The following R3HDM1 variants were observed in gnomAD, a reference collection of about 807,000 sequenced individuals.
R3HDM1 encodes the protein R3H domain containing 1.
In R3HDM1, 46 loss-of-function variants were observed where a neutral mutation model predicts 141.1. That is an observed-to-expected ratio of 0.33 (90% CI 0.26 to 0.42). R3HDM1 has a LOEUF of 0.42. Ranked by LOEUF, R3HDM1 falls within the 10% of genes least tolerant of loss-of-function variation. The pLI, the probability that R3HDM1 is intolerant of heterozygous loss-of-function variation, is 1.00. For synonymous variants in R3HDM1, 435 were observed against 472.9 expected, an observed-to-expected ratio of 0.92 and a Z score of 1.04; for missense variants, 1,184 against 1,368.3, an observed-to-expected ratio of 0.87 and a Z score of 2.12.
At chr2:135,593,664 C>T (rs190588132) in intron 1 of R3HDM1, among the ~76,000 whole-genome samples, 2 of 152,092 alleles carry the variant, frequency 1.3e-5, no homozygotes, top group Admixed American at 6.5e-5. Flanking sequence ...CTTAGTGTTC[C>T]CAACATGTTT....
chr2:135,717,173 A>T (rs2076249075), intron 24 of R3HDM1, among the ~76,000 whole-genome samples: 1 of 152,088 alleles, frequency 6.6e-6, no homozygotes, highest in African/African-American at 2.4e-5. Context: ...GACGGACAAC[A>T]CCAAATGTTA....
At chr2:135,683,357 C>A (rs912580602) in intron 21 of R3HDM1, among the ~76,000 whole-genome samples, 5 of 152,004 alleles carry the variant, frequency 3.3e-5, no homozygotes, top group Non-Finnish European at 7.4e-5. Flanking sequence ...AGTTTGAGAC[C>A]AGCCTAGCCA....
chr2:135,565,362 A>ATTT (rs1030175255), intron 1 of R3HDM1, among the ~76,000 whole-genome samples: 19 of 140,890 alleles, frequency 1.3e-4, no homozygotes, highest in African/African-American at 2.5e-4. Context: ...TATTATTATT[A>ATTT]TTTTTAAATT....
intron 1 of R3HDM1, among the ~76,000 whole-genome samples, chr2:135,580,036 A>G (rs1255174719): frequency 6.6e-6 from 1 of 152,066 alleles, no homozygotes; most frequent in Non-Finnish European, 1.5e-5. Flanking sequence ...AGACAGGCGG[A>G]TCACTTGAGC....
chr2:135,602,410 C>A, intron 1 of R3HDM1, 90 bp from the exon 2 acceptor site: 1 of 865,962 alleles, frequency 1.2e-6, no homozygotes, highest in African/African-American at 1.8e-5. Flanking sequence ...AAACAACTGA[C>A]AGTAATATTT....
At position 135,560,851 on chromosome 2, in the gene R3HDM1, G is replaced by C. The variant is rs554769887; in HGVS notation, c.-250+29218G>C. ...GTGGAGGCTGTATGTTAAGATGGCA[G>C]AGCCACTTACAGAAAGAAGCCAGGA... On this transcript the variant is annotated intron_variant, in intron 1 of 26. Transcript: ENST00000683871. Among the ~76,000 whole-genome samples the C allele has an allele frequency of 9.9e-5, 15 of 152,256 alleles. No homozygotes were observed. In the South Asian group the frequency reaches 3.1e-3, roughly 32 times the overall value.
chr2:135,636,248 TCTCC>T, intron 11 of R3HDM1, 65 bp downstream of exon 11: 5 of 1,537,722 alleles, frequency 3.3e-6, no homozygotes, highest in Non-Finnish European at 4.4e-6. Flanking sequence ...AGGGTCTCAG[TCTCC>T]CTTTTATCTA....
intron 19 of R3HDM1, among the ~76,000 whole-genome samples, chr2:135,664,796 T>A (rs1169743415): frequency 2.0e-5 from 3 of 152,220 alleles, no homozygotes; most frequent in Admixed American, 6.5e-5. Flanking sequence ...GAAGAAACCC[T>A]GGCTACACAC....
chr2:135,625,340 G>A (rs2061903446), intron 7 of R3HDM1, among the ~76,000 whole-genome samples: 1 of 152,108 alleles, frequency 6.6e-6, no homozygotes, highest in Non-Finnish European at 1.5e-5. Context: ...AGCTACTTGG[G>A]AGGCTGAAGC....
At chr2:135,680,735 A>T (rs1404867027) in intron 21 of R3HDM1, among the ~76,000 whole-genome samples, 1 of 152,160 alleles carries the variant, frequency 6.6e-6, no homozygotes, top group Non-Finnish European at 1.5e-5. Context: ...GCGCCGTTGC[A>T]CTCCAGCCTG....
At chr2:135,722,737 A>T (rs937333156) in intron 26 of R3HDM1, among the ~76,000 whole-genome samples, 184 bp downstream of exon 26, 1 of 152,128 alleles carries the variant, frequency 6.6e-6, no homozygotes, top group African/African-American at 2.4e-5. Flanking sequence ...ATGTGAGAGT[A>T]TATATGGTAA....
Position 135,635,968 on chromosome 2 carries a change from T to G in R3HDM1, c.777T>G (p.Asp259Glu), listed in dbSNP as rs1255005117. ...DFQKRYILKR[D>E]NSSFDKDDNQ... ...AGAAACGTTATATCCTCAAGAGAGA[T>G]AACTCTAGCTTTGACAAAGATGATA... is the stretch of plus-strand genomic sequence containing the variant. Residue 259 changes from aspartate to glutamate, a missense_variant, in exon 10 of 27, where the codon GAT becomes GAG. By Grantham distance (45) the Asp-to-Glu change is conservative. Transcript: ENST00000683871. 14 of 1,612,032 alleles carry G rather than the reference T, an allele frequency of 8.7e-6. No individual in the cohort carries two copies. In the Middle Eastern group the frequency reaches 5.0e-4, roughly 57 times the overall value.
At chr2:135,569,705 C>A in intron 1 of R3HDM1, among the ~76,000 whole-genome samples, 2 of 150,032 alleles carry the variant, frequency 1.3e-5, no homozygotes, top group South Asian at 2.1e-4. Context: ...ACATACCTTT[C>A]ATATAGTAAG....
intron 1 of R3HDM1, among the ~76,000 whole-genome samples, chr2:135,587,690 A>C (rs1219898849): frequency 6.6e-6 from 1 of 152,182 alleles, no homozygotes; most frequent in Non-Finnish European, 1.5e-5. Flanking sequence ...ACATACTCTC[A>C]GTTCTTACTT....
chr2:135,644,122 G>A (rs944455558), intron 15 of R3HDM1, among the ~76,000 whole-genome samples: 1 of 152,114 alleles, frequency 6.6e-6, no homozygotes, highest in Non-Finnish European at 1.5e-5. Flanking sequence ...CAGAGATTAT[G>A]GTGAATTTAT....
intron 9 of R3HDM1, among the ~76,000 whole-genome samples, chr2:135,632,748 G>A (rs1026491846): frequency 2.0e-5 from 3 of 152,122 alleles, no homozygotes; most frequent in African/African-American, 7.2e-5. Context: ...TTTGCCTATC[G>A]AAAGGAATTT....
intron 5 of R3HDM1, among the ~76,000 whole-genome samples, chr2:135,618,432 G>T (rs1182029287): frequency 6.7e-6 from 1 of 149,778 alleles, no homozygotes; most frequent in Admixed American, 6.7e-5. Context: ...AAAGTGCTAG[G>T]ATTACAAGTG....
chr2:135,699,838 G>A (rs2073976146), intron 21 of R3HDM1, among the ~76,000 whole-genome samples: 1 of 152,022 alleles, frequency 6.6e-6, no homozygotes, highest in Non-Finnish European at 1.5e-5. Flanking sequence ...ATTGTTACTC[G>A]AAGAAAACTG....
At chr2:135,552,379 A>G (rs1245302368) in intron 1 of R3HDM1, among the ~76,000 whole-genome samples, 1 of 152,002 alleles carries the variant, frequency 6.6e-6, no homozygotes, top group African/African-American at 2.4e-5. Context: ...TCTTTTTAGT[A>G]GAGACGGGGT....
Sources: allele counts gnomAD v4.1 joint callset (sites outside exome capture counted in the v4.1 genomes callset), GRCh38; gene constraint gnomAD v4.1.1; transcripts MANE v1.5; gene names NCBI Gene and HGNC (gene_info 2026-07-23, HGNC 2026-07-21).